Variants in ARL15 observed in about 807,000 individuals in gnomAD.
ARL15 encodes ADP-ribosylation factor-like protein 15.
ARL15 carries 19 observed loss-of-function variants against 25.2 expected under a neutral mutation model. The ratio of observed to expected loss-of-function variants is 0.75; its 90% CI spans 0.53 to 1.10. ARL15 has a LOEUF of 1.10. ARL15 is among the 50% of genes least tolerant of loss of function. The probability of loss-of-function intolerance (pLI) is 0.00; values close to 1 mark genes in which losing one functional copy is unlikely to be tolerated. For missense variants in ARL15, 220 were observed against 246.0 expected, an observed-to-expected ratio of 0.89 and a Z score of 0.71; for synonymous variants, 94 against 86.8, an observed-to-expected ratio of 1.08 and a Z score of -0.46.
chr5:53,957,458 T>C (rs1442021296), intron 4 of ARL15, among the ~76,000 whole-genome samples: 2 of 150,770 alleles, frequency 1.3e-5, no homozygotes, highest in African/African-American at 4.9e-5. Flanking sequence ...ACCAGAAGGC[T>C]AAAGAGAGTT....
At chr5:53,923,729 G>C (rs1452708151) in intron 4 of ARL15, among the ~76,000 whole-genome samples, 2 of 152,082 alleles carry the variant, frequency 1.3e-5, no homozygotes, top group African/African-American at 2.4e-5. Flanking sequence ...GCCAGGCGTG[G>C]TGGCGGGCGC....
chr5:54,140,734 A>T lies in ARL15; in HGVS notation c.253+13846T>A, dbSNP rs577072321. ...CTTTTTATGCCAAAATAAGGTCTGGATGGAAAACTTTAACCAAAGATATGG... is the reference window on the plus strand; with the variant it reads ...CTTTTTATGCCAAAATAAGGTCTGGTTGGAAAACTTTAACCAAAGATATGG... On this transcript the variant is annotated intron_variant, in intron 3 of 4. Transcript: ENST00000504924. Among the ~76,000 whole-genome samples, 2 of 152,326 alleles carry T rather than the reference A, an allele frequency of 1.3e-5. 1 individual carries two copies. Among genetic ancestry groups the T allele is most frequent in the South Asian group, 4.1e-4 (2 of 4,832 alleles).
In ARL15 at chr5:54,059,327, T is replaced by C. The variant is rs148828244; in HGVS notation, c.462+53875A>G. On this transcript the variant is annotated intron_variant, in intron 4 of 4. Transcript: ENST00000504924. Reference sequence around the variant, plus strand: ...GCCTCCGTTCCGACAGCATCTTCACTGTGAAGTGAGACGACCTTGAGAATA... The same window carrying C: ...GCCTCCGTTCCGACAGCATCTTCACCGTGAAGTGAGACGACCTTGAGAATA... 2.1e-3 allele frequency among the ~76,000 whole-genome samples: 319 copies of C among 152,340 alleles called. 4 individuals carry two copies. Among genetic ancestry groups the C allele is most frequent in the African/African-American group, 7.4e-3 (306 of 41,576 alleles).
intron 3 of ARL15, among the ~76,000 whole-genome samples, chr5:54,146,473 T>G (rs1753915823): frequency 6.6e-6 from 1 of 152,234 alleles, no homozygotes; most frequent in South Asian, 2.1e-4. Context: ...TCCCATGGCT[T>G]GTTTTGTTAG....
At chr5:54,014,086 CA>C in intron 4 of ARL15, among the ~76,000 whole-genome samples, 1 of 152,238 alleles carries the variant, frequency 6.6e-6, no homozygotes. Context: ...ACATGACACT[CA>C]AAGATCATGC....
chr5:54,075,270 A>T (rs1751559637), intron 4 of ARL15, among the ~76,000 whole-genome samples: 1 of 152,156 alleles, frequency 6.6e-6, no homozygotes, highest in African/African-American at 2.4e-5. Context: ...TATTGTCACT[A>T]GACAAACAAG....
chr5:54,090,183 G>A (rs1049578232), intron 4 of ARL15, among the ~76,000 whole-genome samples: 63 of 152,246 alleles, frequency 4.1e-4, no homozygotes, highest in African/African-American at 1.5e-3. Context: ...TCCATCAACA[G>A]TAGAATGAAT....
chr5:54,086,191 G>C (rs1199831492), intron 4 of ARL15, among the ~76,000 whole-genome samples: 9 of 152,156 alleles, frequency 5.9e-5, no homozygotes, highest in Non-Finnish European at 1.0e-4. Flanking sequence ...TGGGATTACA[G>C]CCATGAGCCA....
chr5:54,126,553 C>G (rs1333397198), intron 3 of ARL15, among the ~76,000 whole-genome samples: 1 of 152,170 alleles, frequency 6.6e-6, no homozygotes, highest in Non-Finnish European at 1.5e-5. Flanking sequence ...GAATGTGTCC[C>G]CCAAAAAGCA....
At chr5:54,122,587 C>A (rs192663623) in intron 3 of ARL15, among the ~76,000 whole-genome samples, 1 of 152,156 alleles carries the variant, frequency 6.6e-6, no homozygotes, top group Non-Finnish European at 1.5e-5. Flanking sequence ...AAAATTGGTA[C>A]TATTTTTTTC....
At chr5:54,249,660 T>G in intron 1 of ARL15, among the ~76,000 whole-genome samples, 1 of 141,364 alleles carries the variant, frequency 7.1e-6, no homozygotes, top group African/African-American at 2.7e-5. Flanking sequence ...GAAGTGTGGT[T>G]GTGGTTAAGA....
At chr5:53,983,175 G>A (rs1466487448) in intron 4 of ARL15, among the ~76,000 whole-genome samples, 1 of 152,122 alleles carries the variant, frequency 6.6e-6, no homozygotes, top group East Asian at 1.9e-4. Context: ...TTAAGATAGA[G>A]ACTGTATAAT....
At chr5:54,148,277 G>T (rs1407823411) in intron 3 of ARL15, among the ~76,000 whole-genome samples, 1 of 152,116 alleles carries the variant, frequency 6.6e-6, no homozygotes, top group Admixed American at 6.5e-5. Context: ...TAACTAGCAG[G>T]ATACAAACAA....
At chr5:54,095,878 T>A (rs939634184) in intron 4 of ARL15, among the ~76,000 whole-genome samples, 1 of 151,142 alleles carries the variant, frequency 6.6e-6, no homozygotes, top group East Asian at 1.9e-4. Flanking sequence ...AAAAAAAAAA[T>A]TAGATTACAT....
Position 54,113,341 on chromosome 5 carries a change from T to C in ARL15, c.323A>G (p.Asp108Gly). ...QGSQGVIFVL[D>G]SASSEDDLEA... ...TAAATCATCCTCTGAAGAGGCACTG[T>C]CTAATACAAATATTACCCCTTGAGA... The change falls in exon 4 of 5, where the codon GAC becomes GGC. Residue 108 changes from aspartate (D) to glycine (G), a missense_variant. Transcript: ENST00000504924. 2.5e-6 allele frequency: 4 copies of C among 1,613,996 alleles called. No individual in the cohort carries two copies. Among genetic ancestry groups the C allele is most frequent in the Non-Finnish European group, 3.4e-6 (4 of 1,179,878 alleles).
At chr5:54,101,443 T>C (rs556286802) in intron 4 of ARL15, among the ~76,000 whole-genome samples, 6 of 152,238 alleles carry the variant, frequency 3.9e-5, no homozygotes, top group Non-Finnish European at 8.8e-5. Context: ...AAGTCAGTCA[T>C]TGCTTCAACA....
intron 4 of ARL15, among the ~76,000 whole-genome samples, chr5:53,988,396 C>A (rs1235415201): frequency 2.0e-5 from 3 of 151,612 alleles, no homozygotes; most frequent in Non-Finnish European, 4.4e-5. Flanking sequence ...GACAATAGCC[C>A]CCACTTAAGT....
At chr5:53,992,798 C>A (rs1380749542) in intron 4 of ARL15, among the ~76,000 whole-genome samples, 11 of 152,098 alleles carry the variant, frequency 7.2e-5, no homozygotes, top group Admixed American at 7.2e-4. Flanking sequence ...CAGTGGCTCA[C>A]GCCTGTAATC....
At chr5:54,132,300 A>G (rs2112280893) in intron 3 of ARL15, among the ~76,000 whole-genome samples, 1 of 152,200 alleles carries the variant, frequency 6.6e-6, no homozygotes, top group East Asian at 1.9e-4. Context: ...TATGTTTATT[A>G]AATATATTTA....
Sources: gnomAD v4.1 joint callset for allele counts (sites outside exome capture counted in the v4.1 genomes callset) on GRCh38, gnomAD v4.1.1 for gene constraint, MANE v1.5 for transcripts, NCBI Gene and HGNC (gene_info 2026-07-23, HGNC 2026-07-21) for gene names.